IQSEC1: variants seen among roughly 807,000 people sequenced by gnomAD.
IQSEC1 encodes the protein IQ motif and SEC7 domain-containing protein 1.
Under a neutral mutation model 91.0 loss-of-function variants are expected in IQSEC1, and 31 were observed. The ratio of observed to expected loss-of-function variants is 0.34; its 90% CI spans 0.26 to 0.46. IQSEC1 has a LOEUF of 0.46. IQSEC1 is among the 20% of genes least tolerant of loss of function. The pLI, the probability that IQSEC1 is intolerant of heterozygous loss-of-function variation, is 1.00. For missense variants in IQSEC1, 1,388 were observed against 1,575.6 expected, an observed-to-expected ratio of 0.88 and a Z score of 2.02; for synonymous variants, 699 against 662.6, an observed-to-expected ratio of 1.05 and a Z score of -0.84.
chr3:13,205,845 C>G (rs570860995), intron 1 of IQSEC1, among the ~76,000 whole-genome samples: 12 of 151,054 alleles, frequency 7.9e-5, no homozygotes, highest in African/African-American at 2.9e-4. Flanking sequence ...TGCCTCCACC[C>G]ATCCATCCAA....
chr3:13,009,058 C>G (rs956500189), intron 1 of IQSEC1, among the ~76,000 whole-genome samples: 8 of 152,242 alleles, frequency 5.3e-5, no homozygotes, highest in African/African-American at 1.9e-4. Context: ...GGTTCCAAGG[C>G]TGTGATTCCG....
chr3:13,050,445 A>C (rs993457468), intron 1 of IQSEC1, among the ~76,000 whole-genome samples: 4 of 152,242 alleles, frequency 2.6e-5, no homozygotes, highest in African/African-American at 9.7e-5. Context: ...AGAGCTGTTG[A>C]GAAATGAGAT....
intron 2 of IQSEC1, among the ~76,000 whole-genome samples, chr3:13,095,084 A>T (rs1266382704): frequency 6.6e-6 from 1 of 151,580 alleles, no homozygotes; most frequent in Non-Finnish European, 1.5e-5. Flanking sequence ...GGTTTACTGC[A>T]GTTTAATAAC....
chr3:13,202,897 G>A (rs1333341300), intron 1 of IQSEC1, among the ~76,000 whole-genome samples: 1 of 152,124 alleles, frequency 6.6e-6, no homozygotes, highest in African/African-American at 2.4e-5. Context: ...AGTGTGCCGG[G>A]CGCCATTCTG....
intron 1 of IQSEC1, among the ~76,000 whole-genome samples, chr3:13,039,387 A>T (rs1704166379): frequency 6.6e-6 from 1 of 152,244 alleles, no homozygotes; most frequent in Non-Finnish European, 1.5e-5. Context: ...GGAGCCTGGC[A>T]CACCCTGTGT....
At chr3:12,961,417 C>T (rs1700234288) in intron 1 of IQSEC1, among the ~76,000 whole-genome samples, 2 of 152,250 alleles carry the variant, frequency 1.3e-5, no homozygotes, top group South Asian at 4.1e-4. Context: ...ACAGGCAAAG[C>T]GATTTTCTTA....
intron 1 of IQSEC1, among the ~76,000 whole-genome samples, chr3:13,037,658 T>G (rs1340620914): frequency 6.6e-6 from 1 of 152,192 alleles, no homozygotes; most frequent in African/African-American, 2.4e-5. Flanking sequence ...TGGTCCATAC[T>G]TATAGTGGAG....
chr3:13,268,294 A>C (rs1459251874), intron 1 of IQSEC1, among the ~76,000 whole-genome samples: 1 of 152,154 alleles, frequency 6.6e-6, no homozygotes, highest in Non-Finnish European at 1.5e-5. Context: ...CTAGACAAGA[A>C]CTTCACCTCT....
At chr3:13,040,408 G>A (rs577761666) in intron 1 of IQSEC1, among the ~76,000 whole-genome samples, 1 of 152,220 alleles carries the variant, frequency 6.6e-6, no homozygotes, top group African/African-American at 2.4e-5. Context: ...AGTCTCATTT[G>A]TCTTTCAGGC....
chr3:13,061,323 G>T (rs1386961835), intron 1 of IQSEC1, among the ~76,000 whole-genome samples: 2 of 152,184 alleles, frequency 1.3e-5, no homozygotes, highest in Admixed American at 6.5e-5. Flanking sequence ...AGGATTTCAG[G>T]TTGATCTGGA....
At chr3:13,092,804 C>G (rs752725590) in intron 2 of IQSEC1, among the ~76,000 whole-genome samples, 73 of 152,330 alleles carry the variant, frequency 4.8e-4, no homozygotes, top group Admixed American at 1.1e-3. Flanking sequence ...GTTCCTGTCC[C>G]AGTGCCAGCC....
chr3:13,180,279 A>C (rs894567355), intron 1 of IQSEC1, among the ~76,000 whole-genome samples: 39 of 150,286 alleles, frequency 2.6e-4, no homozygotes, highest in African/African-American at 5.2e-4. Context: ...AAACACACCA[A>C]TCAGCACCCT....
intron 1 of IQSEC1, among the ~76,000 whole-genome samples, chr3:13,187,487 G>C (rs1693955480): frequency 6.6e-6 from 1 of 152,194 alleles, no homozygotes; most frequent in African/African-American, 2.4e-5. Flanking sequence ...GAATTAATCT[G>C]AATATATTTA....
rs1257548049 is a variant in IQSEC1, at chr3:12,994,466, G to C, written c.24-52601C>G. 6.6e-6 allele frequency among the ~76,000 whole-genome samples: 1 copy of C among 152,006 alleles called. No homozygotes were observed. The highest frequency in any genetic ancestry group is 2.1e-4 in the South Asian group (1 of 4,824). On this transcript the variant is annotated intron_variant, in intron 1 of 13. Transcript: ENST00000613206. The surrounding 1 kb of genome is among the most constrained non-coding windows in gnomAD (Gnocchi z 4.5). ...GCTGCAGCGGATGGGTCAGGAGAGC[G>C]GGGTACGCGGGGTCCAGGCGCGGAA...
At chr3:13,212,019 G>A (rs1260880195) in intron 1 of IQSEC1, among the ~76,000 whole-genome samples, 1 of 152,202 alleles carries the variant, frequency 6.6e-6, no homozygotes, top group African/African-American at 2.4e-5. Flanking sequence ...CAGCTCTGGA[G>A]TCAGGCAGTC....
intron 1 of IQSEC1, among the ~76,000 whole-genome samples, chr3:13,262,874 C>A (rs1464439839): frequency 6.6e-6 from 1 of 152,108 alleles, no homozygotes; most frequent in Non-Finnish European, 1.5e-5. Context: ...TTCACAGACA[C>A]AGGAAGTGGC....
chr3:12,983,049 G>C lies in IQSEC1; in HGVS notation c.24-41184C>G, dbSNP rs896916780. Among the ~76,000 whole-genome samples, 1 of 152,168 alleles carries C rather than the reference G, an allele frequency of 6.6e-6. No homozygotes were observed. Among genetic ancestry groups the C allele is most frequent in the African/African-American group, 2.4e-5 (1 of 41,420 alleles). On this transcript the variant is annotated intron_variant, in intron 1 of 13. Transcript: ENST00000613206. This position sits in a 1 kb window ranked among gnomAD's most constrained non-coding sequence, Gnocchi z 4.3. ...CTGGGTGCTTGTGCGTGGGATGGAGGGTGAGGAGTGCTATTGCTCACTGGG... is the reference window on the plus strand; with the variant it reads ...CTGGGTGCTTGTGCGTGGGATGGAGCGTGAGGAGTGCTATTGCTCACTGGG...
intron 1 of IQSEC1, among the ~76,000 whole-genome samples, chr3:13,002,442 G>A (rs901436339): frequency 6.6e-6 from 1 of 151,978 alleles, no homozygotes; most frequent in African/African-American, 2.4e-5. Context: ...AGCACTTTGG[G>A]AGGCAGAGGC....
intron 1 of IQSEC1, among the ~76,000 whole-genome samples, chr3:13,021,809 TGAACGTGTGCTCTGGATCCCAGCC>T (rs936628830): frequency 1.1e-4 from 17 of 152,306 alleles, no homozygotes; most frequent in South Asian, 2.1e-4. Context: ...GTTCCTTTCC[TGAACGTGTGCTCTGGATCCCAGCC>T]GAACGTGTGC....
Sources: gnomAD v4.1 joint callset for allele counts (sites outside exome capture counted in the v4.1 genomes callset) on GRCh38, gnomAD v4.1.1 for gene constraint, Gnocchi (gnomAD v3.1) non-coding constraint, MANE v1.5 for transcripts, NCBI Gene and HGNC (gene_info 2026-07-23, HGNC 2026-07-21) for gene names.